The following BRD10 variants were observed in gnomAD, a reference collection of about 807,000 sequenced individuals.
The protein encoded by BRD10 is uncharacterized bromodomain-containing protein 10.
the BRD10 span, among the ~76,000 whole-genome samples, chr9:5,932,542 A>T: frequency 2.0e-5 from 3 of 152,224 alleles, no homozygotes; most frequent in Non-Finnish European, 4.4e-5. Context: ...AGTAGATATT[A>T]TAAGTAATAC....
chr9:5,922,256 T>C, the BRD10 span: 1 of 1,613,974 alleles, frequency 6.2e-7, no homozygotes, highest in South Asian at 1.1e-5. Flanking sequence ...ACTACCAGGA[T>C]TTGTAGACCC....
At chr9:5,968,374 G>A in the BRD10 span, 20 of 1,610,246 alleles carry the variant, frequency 1.2e-5, no homozygotes, top group Admixed American at 3.3e-5. Context: ...AAGCTTCACC[G>A]TATTTTTCCT....
the BRD10 span, among the ~76,000 whole-genome samples, chr9:5,960,699 G>GT: frequency 5.3e-5 from 8 of 151,924 alleles, no homozygotes; most frequent in Admixed American, 3.3e-4. Context: ...TCTTTTTTGT[G>GT]TTTTTTCAGA....
At chr9:5,919,543 A>AACACACACATACAC in the BRD10 span, 1 of 368,788 alleles carries the variant, frequency 2.7e-6, no homozygotes, top group African/African-American at 2.5e-5. Context: ...GATACATTAA[A>AACACACACATACAC]ACACACACAC....
At chr9:5,909,521 G>A in the BRD10 span, 1 of 152,316 alleles carries the variant, frequency 6.6e-6, no homozygotes. Context: ...GCCTCCCAAA[G>A]TGCTGGAATT....
the BRD10 span, among the ~76,000 whole-genome samples, chr9:5,912,198 G>C: frequency 6.6e-6 from 1 of 152,174 alleles, no homozygotes. Context: ...ATACAGAAAT[G>C]ATACTGATTT....
chr9:5,902,524 G>A, the BRD10 span, among the ~76,000 whole-genome samples: 1 of 151,532 alleles, frequency 6.6e-6, no homozygotes, highest in African/African-American at 2.4e-5. Flanking sequence ...GAGTGCAGTG[G>A]CACAATCATA....
chr9:5,989,412 C>T, the BRD10 span, among the ~76,000 whole-genome samples: 1 of 137,236 alleles, frequency 7.3e-6, no homozygotes, highest in Non-Finnish European at 1.5e-5. Flanking sequence ...GCCTGGGTGA[C>T]AGAGTTCCTA....
the BRD10 span, among the ~76,000 whole-genome samples, chr9:5,945,460 T>C: frequency 4.7e-4 from 72 of 152,272 alleles, no homozygotes; most frequent in Non-Finnish European, 9.1e-4. Context: ...TGCAACTATA[T>C]GTAACACATT....
chr9:5,922,439 G>A, the BRD10 span: 3 of 1,614,012 alleles, frequency 1.9e-6, no homozygotes, highest in South Asian at 3.3e-5. Flanking sequence ...AGGCGACAAA[G>A]GCTGTGGTCT....
At chr9:5,924,691 G>A in the BRD10 span, 1 of 1,534,794 alleles carries the variant, frequency 6.5e-7, no homozygotes, top group Non-Finnish European at 8.8e-7. Flanking sequence ...AGGATATCCA[G>A]AGGTTCTGTT....
At chr9:5,924,865 A>G in the BRD10 span, 247 of 1,408,474 alleles carry the variant, frequency 1.8e-4, 1 homozygote, top group East Asian at 5.9e-3. Context: ...AATGCCCAAC[A>G]TAATAAATAA....
At chr9:5,926,207 C>T in the BRD10 span, among the ~76,000 whole-genome samples, 7 of 151,348 alleles carry the variant, frequency 4.6e-5, no homozygotes, top group East Asian at 2.2e-4. Flanking sequence ...TGAATCACTG[C>T]GCCTGGCCAT....
chr9:5,923,029 G>C, the BRD10 span: 11 of 1,613,960 alleles, frequency 6.8e-6, no homozygotes, highest in Non-Finnish European at 8.5e-6. Context: ...AATCCAATGA[G>C]GCAAATGACT....
At chr9:5,977,367 G>C in the BRD10 span, among the ~76,000 whole-genome samples, 1 of 152,172 alleles carries the variant, frequency 6.6e-6, no homozygotes, top group African/African-American at 2.4e-5. Context: ...GGCTGGTATA[G>C]GCCAGCATAA....
At chr9:5,990,965 A>G in the BRD10 span, among the ~76,000 whole-genome samples, 1 of 152,334 alleles carries the variant, frequency 6.6e-6, no homozygotes, top group Non-Finnish European at 1.5e-5. Context: ...GGAAACATAA[A>G]TGTTTTTCAA....
the BRD10 span, among the ~76,000 whole-genome samples, chr9:5,953,187 T>C: frequency 1.3e-5 from 2 of 152,170 alleles, no homozygotes; most frequent in South Asian, 4.1e-4. Context: ...GTCCCTTTAT[T>C]TTCATCTCTA....
chr9:6,001,975 C>T, the BRD10 span, among the ~76,000 whole-genome samples: 2 of 152,068 alleles, frequency 1.3e-5, no homozygotes, highest in Admixed American at 6.5e-5. Context: ...TTAAGGGTTC[C>T]CTCCCATTAT....
At chr9:5,950,460 G>T in the BRD10 span, among the ~76,000 whole-genome samples, 1 of 152,172 alleles carries the variant, frequency 6.6e-6, no homozygotes, top group East Asian at 1.9e-4. Context: ...ACCCCACAGA[G>T]TTAATCAGTG....
Sources: allele counts gnomAD v4.1 joint callset (sites outside exome capture counted in the v4.1 genomes callset), GRCh38; gene constraint gnomAD v4.1.1; transcripts MANE v1.5; gene names NCBI Gene and HGNC (gene_info 2026-07-23, HGNC 2026-07-21).